The following SAMTOR variants were observed in gnomAD, a reference collection of about 807,000 sequenced individuals.
The protein encoded by SAMTOR is UPF0532 protein C7orf60.
At chr7:112,891,889 G>A in the SAMTOR span, among the ~76,000 whole-genome samples, 7 of 152,290 alleles carry the variant, frequency 4.6e-5, no homozygotes, top group Non-Finnish European at 8.8e-5. Flanking sequence ...GAAAGCTGGG[G>A]TGCTATCAGA....
At chr7:112,822,073 T>C in the SAMTOR span, 9 of 1,613,732 alleles carry the variant, frequency 5.6e-6, no homozygotes, top group Non-Finnish European at 6.8e-6. Context: ...AGGGACTCTA[T>C]AGCAATCTTC....
chr7:112,842,349 A>T, the SAMTOR span, among the ~76,000 whole-genome samples: 1 of 151,928 alleles, frequency 6.6e-6, no homozygotes, highest in African/African-American at 2.4e-5. Flanking sequence ...CAAATTGAGA[A>T]AGCAGCTGTT....
the SAMTOR span, among the ~76,000 whole-genome samples, chr7:112,921,559 A>G: frequency 1.4e-5 from 2 of 148,056 alleles, no homozygotes; most frequent in Admixed American, 6.8e-5. Context: ...TGTCTAAAAC[A>G]CCAAAAGCAA....
At chr7:112,921,966 TCTCCCGCTCCC>T in the SAMTOR span, among the ~76,000 whole-genome samples, 1 of 126,020 alleles carries the variant, frequency 7.9e-6, no homozygotes, top group African/African-American at 3.4e-5. Context: ...TCCCTCTCCC[TCTCCCGCTCCC>T]GCTCCCCACG....
the SAMTOR span, among the ~76,000 whole-genome samples, chr7:112,889,623 A>C: frequency 6.6e-6 from 1 of 152,220 alleles, no homozygotes; most frequent in South Asian, 2.1e-4. Context: ...TTCAATACTA[A>C]GTTAATCCCT....
the SAMTOR span, among the ~76,000 whole-genome samples, chr7:112,835,882 C>T: frequency 6.6e-6 from 1 of 152,204 alleles, no homozygotes; most frequent in African/African-American, 2.4e-5. Flanking sequence ...ATCCAGTCTA[C>T]TGCTGTTGGG....
At chr7:112,895,877 A>C in the SAMTOR span, 1 of 520,504 alleles carries the variant, frequency 1.9e-6, no homozygotes, top group Admixed American at 3.9e-5. Context: ...AACTGAGATA[A>C]ATTTGAGCAC....
chr7:112,930,246 T>C, the SAMTOR span, among the ~76,000 whole-genome samples: 1 of 152,148 alleles, frequency 6.6e-6, no homozygotes, highest in Non-Finnish European at 1.5e-5. Context: ...GAATTCAGAT[T>C]GTCTTACATA....
the SAMTOR span, among the ~76,000 whole-genome samples, chr7:112,909,690 T>G: frequency 1.1e-4 from 17 of 152,018 alleles, no homozygotes; most frequent in Non-Finnish European, 2.4e-4. Flanking sequence ...AAAAGGCTAA[T>G]GTATTAATGT....
chr7:112,922,201 G>A, the SAMTOR span, among the ~76,000 whole-genome samples: 6,517 of 152,296 alleles, frequency 0.043, 190 homozygotes, highest in Middle Eastern at 0.12. Flanking sequence ...CGAGTGATCC[G>A]TCAGCCTCGG....
At chr7:112,898,878 G>A in the SAMTOR span, among the ~76,000 whole-genome samples, 1 of 152,192 alleles carries the variant, frequency 6.6e-6, no homozygotes, top group Non-Finnish European at 1.5e-5. Context: ...GGCTTAGAGT[G>A]CCCTCTAGTG....
the SAMTOR span, among the ~76,000 whole-genome samples, chr7:112,863,663 A>G: frequency 1.3e-5 from 2 of 152,224 alleles, no homozygotes; most frequent in African/African-American, 4.8e-5. Flanking sequence ...ACAGCCAAGA[A>G]TCATATGAAG....
chr7:112,852,359 G>A, the SAMTOR span, among the ~76,000 whole-genome samples: 1 of 152,014 alleles, frequency 6.6e-6, no homozygotes, highest in Non-Finnish European at 1.5e-5. Context: ...GACTCAGAAA[G>A]CCAAATACAT....
chr7:112,869,062 G>A, the SAMTOR span, among the ~76,000 whole-genome samples: 1 of 152,140 alleles, frequency 6.6e-6, no homozygotes, highest in Admixed American at 6.5e-5. Context: ...AAGGAGGAAC[G>A]TGGCCTGCCA....
chr7:112,820,688 T>C, the SAMTOR span: 1 of 152,032 alleles, frequency 6.6e-6, no homozygotes, highest in African/African-American at 2.4e-5. Context: ...AACTAATTGA[T>C]ATATTCAAAG....
chr7:112,869,465 G>A, the SAMTOR span, among the ~76,000 whole-genome samples: 1 of 151,564 alleles, frequency 6.6e-6, no homozygotes, highest in African/African-American at 2.4e-5. Context: ...GAAACTATCT[G>A]CAACCAAGGA....
the SAMTOR span, among the ~76,000 whole-genome samples, chr7:112,901,373 C>T: frequency 6.6e-6 from 1 of 152,216 alleles, no homozygotes; most frequent in Non-Finnish European, 1.5e-5. Flanking sequence ...AGGCTGCACG[C>T]TCCTTATGAG....
chr7:112,903,711 AAAGT>A, the SAMTOR span, among the ~76,000 whole-genome samples: 1 of 152,234 alleles, frequency 6.6e-6, no homozygotes, highest in Non-Finnish European at 1.5e-5. Flanking sequence ...ACAAGATACA[AAAGT>A]AAGACTAAGT....
chr7:112,902,420 AAAAAAAAACAAAAAAAAAC>A, the SAMTOR span, among the ~76,000 whole-genome samples: 1 of 97,954 alleles, frequency 1.0e-5, no homozygotes, highest in Admixed American at 1.0e-4. Flanking sequence ...CCGTCTCAAA[AAAAAAAAACAAAAAAAAAC>A]AAAAAAAAAC....
Sources: gnomAD v4.1 joint callset for allele counts (sites outside exome capture counted in the v4.1 genomes callset) on GRCh38, gnomAD v4.1.1 for gene constraint, MANE v1.5 for transcripts, NCBI Gene and HGNC (gene_info 2026-07-23, HGNC 2026-07-21) for gene names.